The following ADCY2 variants were observed in gnomAD, a reference collection of about 807,000 sequenced individuals.
ADCY2 encodes adenylate cyclase type 2.
ADCY2 carries 31 observed loss-of-function variants against 125.2 expected under a neutral mutation model. That is an observed-to-expected ratio of 0.25 (90% CI 0.19 to 0.33). The LOEUF is 0.33. Ranked by LOEUF, ADCY2 falls within the 10% of genes least tolerant of loss-of-function variation. ADCY2 has a pLI of 1.00. For missense variants in ADCY2, 904 were observed against 1,418.2 expected (o/e 0.64, Z 5.82); for synonymous variants, 512 against 548.4 (o/e 0.93, Z 0.93).
intron 4 of ADCY2, among the ~76,000 whole-genome samples, chr5:7,634,115 T>C (rs1169156423): frequency 6.6e-6 from 1 of 152,196 alleles, no homozygotes; most frequent in Admixed American, 6.5e-5. Flanking sequence ...CTATGCCTTT[T>C]AATGGGGGGG....
At chr5:7,817,573 C>T (rs326159) in intron 23 of ADCY2, among the ~76,000 whole-genome samples, 6,874 of 152,078 alleles carry the variant, frequency 0.045, 432 homozygotes, top group African/African-American at 0.14. Context: ...ATGCCTGTAA[C>T]CCCAGCACTT....
chr5:7,792,676 C>G (rs1053330505), intron 20 of ADCY2, among the ~76,000 whole-genome samples: 56 of 152,184 alleles, frequency 3.7e-4, no homozygotes, highest in Non-Finnish European at 1.9e-4. Context: ...TACAGTTACC[C>G]TCCTTGGAAA....
chr5:7,543,324 CTAATTAATATCTCAAT>C (rs1251955174), intron 3 of ADCY2, among the ~76,000 whole-genome samples: 17 of 151,870 alleles, frequency 1.1e-4, no homozygotes, highest in African/African-American at 4.1e-4. Context: ...ATATTTTAAT[CTAATTAATATCTCAAT>C]TGATTAATAT....
chr5:7,581,582 G>T (rs189629130), intron 3 of ADCY2, among the ~76,000 whole-genome samples: 1 of 151,996 alleles, frequency 6.6e-6, no homozygotes, highest in African/African-American at 2.4e-5. Context: ...CACTTTGGGG[G>T]GCCGAAGTGG....
intron 14 of ADCY2, among the ~76,000 whole-genome samples, chr5:7,741,751 ACCATCCCT>A (rs1742432854): frequency 4.1e-3 from 5 of 1,234 alleles, no homozygotes; most frequent in South Asian, 0.026. Context: ...CATCACCATC[ACCATCCCT>A]ATCACTGTCA....
At chr5:7,776,345 T>C (rs1025414109) in intron 18 of ADCY2, among the ~76,000 whole-genome samples, 2 of 152,146 alleles carry the variant, frequency 1.3e-5, no homozygotes, top group Admixed American at 1.3e-4. Flanking sequence ...CTCTGTGCCA[T>C]TGAAGTCACG....
intron 5 of ADCY2, among the ~76,000 whole-genome samples, chr5:7,693,300 G>A (rs1159898010): frequency 6.6e-6 from 1 of 151,934 alleles, no homozygotes; most frequent in Admixed American, 6.6e-5. Context: ...TGGCAATATG[G>A]TCAGGCTCTA....
In ADCY2 at chr5:7,816,777, T is replaced by C. The variant is rs1745125409; in HGVS notation, c.2884-89T>C. The C allele has an allele frequency of 3.0e-6, 3 of 1,015,114 alleles. No homozygotes were observed. In the South Asian group the frequency reaches 4.1e-5, roughly 14 times the overall value. The allele number at this position is 1,015,114 out of a possible 1,614,324, so 62.9% of individuals were successfully genotyped here. The stretch of plus-strand genomic sequence containing the variant: ...GCATTAGAATTTGCCTGCATTCCTT[T>C]CTGCCTAAAGCTCAGGTTTGGGACA... On this transcript the variant is annotated intron_variant, in intron 22 of 24. Transcript: ENST00000338316.
intron 24 of ADCY2, among the ~76,000 whole-genome samples, chr5:7,823,486 T>C (rs1375370850): frequency 6.6e-6 from 1 of 152,180 alleles, no homozygotes; most frequent in Non-Finnish European, 1.5e-5. Context: ...AGTCTAATCA[T>C]TTTCTGATGG....
At chr5:7,590,270 T>C (rs925702284) in intron 3 of ADCY2, among the ~76,000 whole-genome samples, 4 of 152,192 alleles carry the variant, frequency 2.6e-5, no homozygotes, top group African/African-American at 7.2e-5. Context: ...GGATTATTAA[T>C]TGATATTGTA....
chr5:7,455,793 A>G (rs1741648438), intron 2 of ADCY2, among the ~76,000 whole-genome samples: 1 of 145,340 alleles, frequency 6.9e-6, no homozygotes, highest in Admixed American at 7.0e-5. Flanking sequence ...TATAACACAT[A>G]TATTCTTATT....
intron 12 of ADCY2, among the ~76,000 whole-genome samples, chr5:7,717,727 A>G (rs1345300437): frequency 6.6e-6 from 1 of 152,222 alleles, no homozygotes; most frequent in Non-Finnish European, 1.5e-5. Context: ...GAGGCCAAGA[A>G]TTGCTGTTAC....
chr5:7,513,734 T>C (rs1421329872), intron 2 of ADCY2, among the ~76,000 whole-genome samples: 2 of 152,240 alleles, frequency 1.3e-5, no homozygotes, highest in African/African-American at 4.8e-5. Context: ...AGAACTATAT[T>C]GCGGTACTAT....
At chr5:7,612,797 A>G (rs971457662) in intron 3 of ADCY2, among the ~76,000 whole-genome samples, 1 of 152,134 alleles carries the variant, frequency 6.6e-6, no homozygotes, top group Non-Finnish European at 1.5e-5. Flanking sequence ...CTGGCGGATC[A>G]CAAGGTCAGG....
intron 2 of ADCY2, among the ~76,000 whole-genome samples, chr5:7,461,863 A>G (rs545403967): frequency 2.8e-4 from 42 of 152,356 alleles, no homozygotes; most frequent in African/African-American, 1.0e-3. Flanking sequence ...GACAAAAATG[A>G]TTTCTGTTTA....
chr5:7,693,406 G>GTTTTTTTTTT lies in ADCY2; in HGVS notation c.870-2340_870-2339insTTTTTTTTTT, dbSNP rs139450063. ...GTACCTTGCATCACAATTGCCTGCT[G>GTTTTTTTTTT]TTTTTTGTTTTTTTTTTTTTTTTTT... On this transcript the variant is annotated intron_variant, in intron 5 of 24. Coordinates refer to ENST00000338316, the MANE Select transcript of ADCY2 (RefSeq NM_020546.3). Among the ~76,000 whole-genome samples the GTTTTTTTTTT allele has an allele frequency of 3.6e-4, 21 of 58,646 alleles. 2 individuals are homozygous for GTTTTTTTTTT. The highest frequency in any genetic ancestry group is 5.3e-4 in the Admixed American group (3 of 5,634). The allele number at this position is 58,646 out of a possible 152,430, so 38.5% of individuals were successfully genotyped here. A position where few individuals can be genotyped will look rare whatever the true frequency, so the allele number is the denominator to read the frequency against.
chr5:7,473,309 C>T (rs138914430), intron 2 of ADCY2, among the ~76,000 whole-genome samples: 10 of 152,162 alleles, frequency 6.6e-5, no homozygotes, highest in East Asian at 5.8e-4. Flanking sequence ...TCCAACATGG[C>T]GGAAGGAATA....
At chr5:7,821,630 C>G (rs898654337) in intron 24 of ADCY2, among the ~76,000 whole-genome samples, 2 of 152,170 alleles carry the variant, frequency 1.3e-5, no homozygotes, top group Non-Finnish European at 2.9e-5. Context: ...TGGAGATGAC[C>G]GTTAGCCACC....
At chr5:7,721,260 T>C (rs1029113611) in intron 12 of ADCY2, among the ~76,000 whole-genome samples, 65 of 152,348 alleles carry the variant, frequency 4.3e-4, no homozygotes, top group African/African-American at 1.4e-3. Context: ...TTTTTTCTTG[T>C]AAATTTGTTT....
Sources: gnomAD v4.1 joint callset for allele counts (sites outside exome capture counted in the v4.1 genomes callset) on GRCh38, gnomAD v4.1.1 for gene constraint, MANE v1.5 for transcripts, NCBI Gene and HGNC (gene_info 2026-07-23, HGNC 2026-07-21) for gene names.